Variants in AQR observed in about 807,000 individuals in gnomAD.
AQR encodes aquarius intron-binding spliceosomal factor.
AQR carries 61 observed loss-of-function variants against 180.5 expected under a neutral mutation model. That is an observed-to-expected ratio of 0.34 (90% CI 0.28 to 0.42). The LOEUF (loss-of-function observed/expected upper bound fraction) is 0.42. Ranked by LOEUF, AQR falls within the 10% of genes least tolerant of loss-of-function variation. AQR has a pLI of 1.00. For missense variants in AQR, 1,281 were observed against 1,798.3 expected (o/e 0.71, Z 5.20); for synonymous variants, 551 against 588.8 (o/e 0.94, Z 0.93).
In AQR at chr15:34,942,060, A is replaced by C; in HGVS notation, c.492T>G (p.Ser164Arg). The change falls in exon 7 of 35, where the codon AGT becomes AGG. Residue 164 changes from serine (S) to arginine (R), a missense_variant. Around this residue, in one of 9 missense-constraint regions of AQR, gnomAD observed 404 missense variants for 490.9 expected, o/e 0.82. Coordinates refer to ENST00000156471, the MANE Select transcript of AQR (RefSeq NM_014691.3). ...FNSLEVDLIR[S>R]QVQQLISLPM... is the part of the protein sequence containing the mutation. ...GGAGGGAGATAAGCTGCTGTACTTG[A>C]CTTCGTATCAAGTCTACTTCCTGTT... is the stretch of plus-strand genomic sequence containing the variant. 1.2e-6 allele frequency: 2 copies of C among 1,612,638 alleles called. No homozygotes were observed. Among genetic ancestry groups the C allele is most frequent in the Non-Finnish European group, 1.7e-6 (2 of 1,179,166 alleles).
In AQR at chr15:34,856,582, T is replaced by C; in HGVS notation, c.*210A>G. On this transcript the variant is annotated 3_prime_UTR_variant, in exon 35 of 35. Transcript: ENST00000156471. ...GATCAAAACATGAAAGGAATGGTTA[T>C]TTGCTCTTCTGATTGAACAAATGAA... 1 of 453,678 alleles carries C rather than the reference T, an allele frequency of 2.2e-6. No individual in the cohort carries two copies. Among genetic ancestry groups the C allele is most frequent in the Non-Finnish European group, 3.8e-6 (1 of 260,116 alleles). The allele number at this position is 453,678 out of a possible 1,614,324, so 28.1% of individuals were successfully genotyped here.
At chr15:34,870,347 A>T (rs985066997) in intron 31 of AQR, 2 of 152,652 alleles carry the variant, frequency 1.3e-5, no homozygotes, top group South Asian at 2.1e-4. Flanking sequence ...AAATATATAT[A>T]TTTTTAAAAT....
In AQR at chr15:34,940,883, AG is replaced by A; in HGVS notation, c.641+15del. On this transcript the variant is annotated intron_variant, in intron 8 of 34. Transcript: ENST00000156471. ...AGCATAATAAGCCAACATGAAATGA[AG>A]CTCTGCCAACATACTGTTCTCTTGC... is the stretch of plus-strand genomic sequence containing the variant. The A allele has an allele frequency of 6.4e-7, 1 of 1,563,120 alleles. No individual in the cohort carries two copies. The highest frequency in any genetic ancestry group is 8.8e-7 in the Non-Finnish European group (1 of 1,138,866).
At chr15:34,928,948 T>C (rs1893807100) in intron 12 of AQR, among the ~76,000 whole-genome samples, 1 of 152,240 alleles carries the variant, frequency 6.6e-6, no homozygotes, top group Non-Finnish European at 1.5e-5. Context: ...TGATGAGTGA[T>C]GTTGAGTTTT....
chr15:34,860,807 A>T (rs895270576), intron 33 of AQR, among the ~76,000 whole-genome samples: 6 of 152,236 alleles, frequency 3.9e-5, no homozygotes, highest in Non-Finnish European at 7.3e-5. Context: ...GGTGTCTATC[A>T]GAATCATCTG....
At chr15:34,962,411 G>A (rs1225944639) in intron 2 of AQR, among the ~76,000 whole-genome samples, 1 of 152,128 alleles carries the variant, frequency 6.6e-6, no homozygotes, top group Non-Finnish European at 1.5e-5. Context: ...AACAAGTCTT[G>A]TTCAATCTAG....
intron 23 of AQR, among the ~76,000 whole-genome samples, chr15:34,892,178 T>C (rs1893158622): frequency 1.3e-5 from 2 of 152,184 alleles, no homozygotes; most frequent in South Asian, 4.1e-4. Flanking sequence ...CAGAGTTGCC[T>C]GTCTCATTTT....
chr15:34,913,389 T>G (rs1310407216), intron 16 of AQR, among the ~76,000 whole-genome samples: 3 of 152,202 alleles, frequency 2.0e-5, no homozygotes, highest in Admixed American at 2.0e-4. Context: ...ATGCCTCTGC[T>G]GGTTTTCATC....
Position 34,856,798 on chromosome 15 carries a change from G to C in AQR, c.4452C>G (p.Thr1484=). 1 of 1,527,702 alleles carries C rather than the reference G, an allele frequency of 6.5e-7. No homozygotes were observed. The highest frequency in any genetic ancestry group is 8.8e-7 in the Non-Finnish European group (1 of 1,138,286). 94.6% of individuals were successfully genotyped at this position (1,527,702 alleles called of 1,614,324 possible). ...PQDATSAPEE[T]K ...TAGAAGGACTACAGTTTGGCTACTT[G>C]GTCTCTTCCGGGGCAGATGTGGCAT... Residue 1484 remains threonine, a synonymous_variant, in exon 35 of 35, where the codon ACC becomes ACG. Transcript: ENST00000156471.
intron 13 of AQR, among the ~76,000 whole-genome samples, chr15:34,925,751 T>C (rs1332678077): frequency 6.6e-6 from 1 of 151,724 alleles, no homozygotes; most frequent in African/African-American, 2.4e-5. Context: ...GAGAATCACT[T>C]GAACCCAGGA....
intron 5 of AQR, among the ~76,000 whole-genome samples, chr15:34,947,088 A>G (rs1894139174): frequency 6.6e-6 from 1 of 152,218 alleles, no homozygotes; most frequent in Admixed American, 6.5e-5. Flanking sequence ...GGTGGGGAAA[A>G]GATTGAGAAA....
chr15:34,856,912 G>GGAAGT lies in AQR; in HGVS notation c.4333_4337dup (p.Thr1447LeufsTer18), dbSNP rs1166341359. ...ATAAAGCAGGGATGGCTTCTGGAGT[G>GGAAGT]GAAGTGGCTCCTGTCTCACTGGGGG... On this transcript the variant is annotated frameshift_variant, in exon 35 of 35. Coordinates refer to ENST00000156471, the MANE Select transcript of AQR (RefSeq NM_014691.3). LOFTEE classifies it low-confidence loss of function (END_TRUNC). The GGAAGT allele has an allele frequency of 6.2e-7, 1 of 1,614,076 alleles. No individual in the cohort carries two copies. The highest frequency in any genetic ancestry group is 2.2e-5 in the East Asian group (1 of 44,874).
chr15:34,920,567 A>G, intron 13 of AQR, 133 bp from the exon 14 acceptor site: 1 of 682,170 alleles, frequency 1.5e-6, no homozygotes, highest in East Asian at 2.8e-5. Flanking sequence ...AAAACCAGCA[A>G]TGAAAATTAA....
intron 27 of AQR, among the ~76,000 whole-genome samples, chr15:34,879,337 C>T (rs1197505288): frequency 6.6e-6 from 1 of 152,120 alleles, no homozygotes; most frequent in Non-Finnish European, 1.5e-5. Context: ...CTAGAGTGAG[C>T]GCAGAATGAG....
chr15:34,870,534 A>C (rs1892802100), intron 31 of AQR, among the ~76,000 whole-genome samples: 1 of 152,156 alleles, frequency 6.6e-6, no homozygotes, highest in African/African-American at 2.4e-5. Flanking sequence ...AGTTTCAGAA[A>C]CATTTCTTTT....
chr15:34,966,550 T>C (rs1485141601), intron 1 of AQR, among the ~76,000 whole-genome samples: 1 of 152,226 alleles, frequency 6.6e-6, no homozygotes, highest in East Asian at 1.9e-4. Flanking sequence ...TAAACTACAG[T>C]GAGTTCTTTA....
At chr15:34,919,351 G>GA (rs1262820238) in intron 14 of AQR, among the ~76,000 whole-genome samples, 10 of 151,764 alleles carry the variant, frequency 6.6e-5, no homozygotes, top group East Asian at 5.8e-4. Flanking sequence ...TATAATTATA[G>GA]AAAAAATCAT....
intron 32 of AQR, among the ~76,000 whole-genome samples, chr15:34,864,768 C>G (rs1053123922): frequency 6.6e-6 from 1 of 152,068 alleles, no homozygotes. Context: ...TTCTCCCCAG[C>G]CTTCAGTGCT....
Position 34,882,465 on chromosome 15 carries a change from T to TAAAAA in AQR, c.3165+32_3165+36dup, listed in dbSNP as rs34949352. ...GAAGTGAGCCAATCTCTGATAATCT[T>TAAAAA]AAAAAAAAAAAAAAAAAAACTACCA... is the stretch of plus-strand genomic sequence containing the variant. On this transcript the variant is annotated intron_variant, in intron 27 of 34. Coordinates refer to ENST00000156471, the MANE Select transcript of AQR (RefSeq NM_014691.3). 332 of 1,199,014 alleles carry TAAAAA rather than the reference T, an allele frequency of 2.8e-4. 1 individual carries two copies. The highest frequency in any genetic ancestry group is 1.4e-3 in the South Asian group (53 of 36,788). 74.3% of individuals were successfully genotyped at this position (1,199,014 alleles called of 1,614,324 possible).
Sources: gnomAD v4.1 joint callset for allele counts (sites outside exome capture counted in the v4.1 genomes callset) on GRCh38, gnomAD v4.1.1 for gene constraint, gnomAD v4.1.1 regional missense constraint, MANE v1.5 for transcripts, NCBI Gene and HGNC (gene_info 2026-07-23, HGNC 2026-07-21) for gene names.